The following HTR1E variants were observed in gnomAD, a reference collection of about 807,000 sequenced individuals.
The protein encoded by HTR1E is 5-HT-1E.
HTR1E carries 3 observed loss-of-function variants against 3.4 expected under a neutral mutation model. That is an observed-to-expected ratio of 0.89 (90% confidence interval 0.41 to 2.31). HTR1E has a LOEUF of 2.31. Ranked by LOEUF, HTR1E falls within the 30% of genes most tolerant of loss-of-function variation. HTR1E has a pLI of 0.05. For missense variants in HTR1E, 392 were observed against 467.0 expected (o/e 0.84, Z 1.48); for synonymous variants, 170 against 182.8 (o/e 0.93, Z 0.56).
At chr6:86,972,455 A>G (rs940592709) in intron 1 of HTR1E, among the ~76,000 whole-genome samples, 4 of 152,176 alleles carry the variant, frequency 2.6e-5, no homozygotes, top group African/African-American at 7.2e-5. Flanking sequence ...ACACATTGAA[A>G]TATTGTTGTA....
intron 1 of HTR1E, among the ~76,000 whole-genome samples, chr6:87,012,417 G>A (rs1404149015): frequency 6.6e-6 from 1 of 152,066 alleles, no homozygotes; most frequent in Non-Finnish European, 1.5e-5. Flanking sequence ...GTGAGTGGAG[G>A]GTGAGATTTG....
chr6:86,981,874 C>T (rs1032724434), intron 1 of HTR1E, among the ~76,000 whole-genome samples: 1 of 152,160 alleles, frequency 6.6e-6, no homozygotes, highest in African/African-American at 2.4e-5. Context: ...TCCTTGTTAC[C>T]CTAGTGTCTC....
chr6:86,963,851 A>G (rs889057815), intron 1 of HTR1E, among the ~76,000 whole-genome samples: 11 of 152,202 alleles, frequency 7.2e-5, no homozygotes, highest in Non-Finnish European at 1.5e-4. Flanking sequence ...CTAACGACAC[A>G]TTTCTTAGAA....
At chr6:86,954,948 T>A (rs1028073083) in intron 1 of HTR1E, among the ~76,000 whole-genome samples, 1 of 152,188 alleles carries the variant, frequency 6.6e-6, no homozygotes, top group African/African-American at 2.4e-5. Context: ...CATCTCAAGA[T>A]GTATCTGGGA....
intron 1 of HTR1E, among the ~76,000 whole-genome samples, chr6:86,950,141 T>C (rs373113542): frequency 6.6e-6 from 1 of 152,352 alleles, no homozygotes; most frequent in East Asian, 1.9e-4. Flanking sequence ...TTCATAATCA[T>C]TGTTAAATAT....
chr6:86,956,858 ACTC>A (rs1767333265), intron 1 of HTR1E, among the ~76,000 whole-genome samples: 1 of 152,240 alleles, frequency 6.6e-6, no homozygotes, highest in African/African-American at 2.4e-5. Context: ...AATAAGAACA[ACTC>A]CACTAACTTC....
chr6:86,972,097 C>A (rs1363012037), intron 1 of HTR1E, among the ~76,000 whole-genome samples: 3 of 152,074 alleles, frequency 2.0e-5, no homozygotes, highest in African/African-American at 4.8e-5. Context: ...TAATTAAAAG[C>A]AATCTTACCT....
intron 1 of HTR1E, among the ~76,000 whole-genome samples, chr6:86,964,503 T>C (rs904067452): frequency 5.9e-5 from 9 of 152,178 alleles, no homozygotes; most frequent in South Asian, 2.1e-4. Flanking sequence ...TTTAGTGATA[T>C]AGCAGAACTG....
In HTR1E at chr6:87,015,532, G is replaced by A. The variant is rs750154364; in HGVS notation, c.198G>A (p.Val66=). The change falls in exon 2 of 2, where the codon GTG becomes GTA. Residue 66 remains valine, a synonymous_variant. Coordinates refer to ENST00000305344, the MANE Select transcript of HTR1E (RefSeq NM_000865.3). ...PANYLICSLA[V]TDLLVAVLVM... is the part of the protein sequence containing the mutation. ...ACTACCTAATCTGTTCTCTGGCCGTGACGGACCTCCTGGTGGCAGTGCTCG... is the reference window on the plus strand; with the variant it reads ...ACTACCTAATCTGTTCTCTGGCCGTAACGGACCTCCTGGTGGCAGTGCTCG... The A allele has an allele frequency of 6.2e-7, 1 of 1,612,940 alleles. No individual in the cohort carries two copies. Among genetic ancestry groups the A allele is most frequent in the Middle Eastern group, 1.6e-4 (1 of 6,062 alleles).
chr6:87,004,811 T>C (rs1039410714), intron 1 of HTR1E, among the ~76,000 whole-genome samples: 4 of 152,256 alleles, frequency 2.6e-5, no homozygotes, highest in Admixed American at 2.0e-4. Flanking sequence ...TCCTTGTTTA[T>C]AGATAATATG....
intron 1 of HTR1E, among the ~76,000 whole-genome samples, chr6:86,989,169 C>A (rs1767838994): frequency 6.6e-6 from 1 of 152,174 alleles, no homozygotes; most frequent in Non-Finnish European, 1.5e-5. Context: ...ACTGTCCCTA[C>A]CCCGACACCA....
chr6:87,011,923 A>C (rs1328097721), intron 1 of HTR1E, among the ~76,000 whole-genome samples: 1 of 152,202 alleles, frequency 6.6e-6, no homozygotes, highest in Admixed American at 6.5e-5. Context: ...TTTCCCGCGC[A>C]AAATGGAGGA....
At position 86,985,930 on chromosome 6, in the gene HTR1E, A is replaced by G. The variant is rs577109225; in HGVS notation, c.-185-29220A>G. 8.1e-4 allele frequency among the ~76,000 whole-genome samples: 124 copies of G among 152,344 alleles called. 2 individuals carry two copies. The highest frequency in any genetic ancestry group is 2.8e-3 in the African/African-American group (117 of 41,592). On this transcript the variant is annotated intron_variant, in intron 1 of 1. Coordinates refer to ENST00000305344, the MANE Select transcript of HTR1E (RefSeq NM_000865.3). ...TGTCAGGTCAAGATGGGAGGCATGC[A>G]GTGCTCTTATCTGTCTCATATTTGA...
chr6:86,959,664 G>C (rs1479028850), intron 1 of HTR1E, among the ~76,000 whole-genome samples: 1 of 152,144 alleles, frequency 6.6e-6, no homozygotes, highest in Non-Finnish European at 1.5e-5. Flanking sequence ...AGCTGTGTAG[G>C]TAACACAGAG....
intron 1 of HTR1E, among the ~76,000 whole-genome samples, chr6:87,004,776 T>C (rs925604147): frequency 6.6e-6 from 1 of 152,070 alleles, no homozygotes; most frequent in Non-Finnish European, 1.5e-5. Flanking sequence ...GAAAGGGCAC[T>C]CAAATCAGAA....
chr6:86,975,867 GT>G (rs1189798064), intron 1 of HTR1E, among the ~76,000 whole-genome samples: 1 of 150,212 alleles, frequency 6.7e-6, no homozygotes, highest in Admixed American at 6.7e-5. Flanking sequence ...AAGTGTATTA[GT>G]TTTTTTATTA....
intron 1 of HTR1E, among the ~76,000 whole-genome samples, chr6:86,992,328 T>C (rs1046214274): frequency 1.3e-5 from 2 of 152,212 alleles, no homozygotes; most frequent in Non-Finnish European, 2.9e-5. Flanking sequence ...AAACATAGAG[T>C]TGTGTTTCCA....
chr6:86,937,829 G>A lies in HTR1E; in HGVS notation c.-186+6G>A, dbSNP rs1275783539. The A allele has an allele frequency of 6.5e-6, 1 of 152,796 alleles. No individual in the cohort carries two copies. The highest frequency in any genetic ancestry group is 1.5e-5 in the Non-Finnish European group (1 of 68,162). The allele number at this position is 152,796 out of a possible 1,614,324, so 9.5% of individuals were successfully genotyped here. A position where few individuals can be genotyped will look rare whatever the true frequency, so the allele number is the denominator to read the frequency against. On this transcript the variant is annotated splice_donor_region_variant and intron_variant, in intron 1 of 1. Coordinates refer to ENST00000305344, the MANE Select transcript of HTR1E (RefSeq NM_000865.3). ...CTGCACGCACCGTCCACAAGGTGAG[G>A]GGCGCACACCTTCCGGGACGACCTT... is the stretch of plus-strand genomic sequence containing the variant.
intron 1 of HTR1E, among the ~76,000 whole-genome samples, chr6:86,966,572 G>A (rs1767474443): frequency 6.6e-6 from 1 of 152,166 alleles, no homozygotes; most frequent in Admixed American, 6.5e-5. Flanking sequence ...ATCTCCTCCT[G>A]TTTTGAGGTA....
Sources: allele counts gnomAD v4.1 joint callset (sites outside exome capture counted in the v4.1 genomes callset), GRCh38; gene constraint gnomAD v4.1.1; transcripts MANE v1.5; gene names NCBI Gene and HGNC (gene_info 2026-07-23, HGNC 2026-07-21).